Variants in GABRG3 observed in about 807,000 individuals in gnomAD.
GABRG3 encodes the protein gamma-aminobutyric acid type A receptor subunit gamma3.
In GABRG3, 25 loss-of-function variants were observed where a neutral mutation model predicts 48.8. The ratio of observed to expected loss-of-function variants is 0.51; its 90% CI spans 0.37 to 0.72. GABRG3 has a LOEUF of 0.72. Among genes scored for constraint, GABRG3 ranks in the 30% least tolerant of loss-of-function variants. GABRG3 has a pLI of 0.00. For missense variants in GABRG3, 394 were observed against 577.9 expected (o/e 0.68, Z 3.26); for synonymous variants, 227 against 217.6 (o/e 1.04, Z -0.38).
At chr15:27,419,048 C>T (rs1489485445) in intron 5 of GABRG3, 3 of 152,216 alleles carry the variant, frequency 2.0e-5, no homozygotes, top group Non-Finnish European at 2.9e-5. Context: ...TACTGCTCCT[C>T]TCCTAATGTG....
At chr15:27,388,369 AAAGGAAGGAAGG>A (rs1229639979) in intron 5 of GABRG3, among the ~76,000 whole-genome samples, 11 of 31,936 alleles carry the variant, frequency 3.4e-4, no homozygotes, top group Admixed American at 1.5e-3. Flanking sequence ...AGGAAGGAAG[AAAGGAAGGAAGG>A]AAGGAAAGGA....
intron 5 of GABRG3, among the ~76,000 whole-genome samples, chr15:27,393,771 A>G (rs9635410): frequency 0.29 from 44,249 of 152,098 alleles, 7,305 homozygotes; most frequent in East Asian, 0.7. Flanking sequence ...AGCATATACT[A>G]TGGAGTGGCA....
At chr15:27,188,695 G>A (rs1198868992) in intron 3 of GABRG3, among the ~76,000 whole-genome samples, 11 of 151,950 alleles carry the variant, frequency 7.2e-5, no homozygotes, top group African/African-American at 2.2e-4. Context: ...CACTCTGATG[G>A]TAGTTTCTTT....
chr15:27,022,562 C>G (rs900666486), intron 2 of GABRG3, among the ~76,000 whole-genome samples: 1 of 152,154 alleles, frequency 6.6e-6, no homozygotes, highest in Non-Finnish European at 1.5e-5. Context: ...GAATTGATGT[C>G]GGGAACTTTC....
intron 2 of GABRG3, among the ~76,000 whole-genome samples, chr15:26,983,943 C>T (rs1895102183): frequency 6.6e-6 from 1 of 152,114 alleles, no homozygotes; most frequent in African/African-American, 2.4e-5. Context: ...CTTGATTTTG[C>T]TGCTGTCCTG....
At chr15:27,391,242 TAAAGC>T (rs1230912505) in intron 5 of GABRG3, among the ~76,000 whole-genome samples, 1 of 152,214 alleles carries the variant, frequency 6.6e-6, no homozygotes, top group Non-Finnish European at 1.5e-5. Context: ...ATTACACTTG[TAAAGC>T]AATATGCTGT....
At chr15:27,087,101 A>C (rs1344128037) in intron 3 of GABRG3, among the ~76,000 whole-genome samples, 2 of 152,142 alleles carry the variant, frequency 1.3e-5, no homozygotes, top group Non-Finnish European at 2.9e-5. Flanking sequence ...CTGACTGGAG[A>C]CTGAGAGATG....
rs979719603 is a variant in GABRG3 at position 27,156,157 on chromosome 15, G to A, written c.270+129336G>A. ...TACTAAAAATACAAAAAATTAGCTG[G>A]GTGTGGTGGTGGGCGCCAGTAGTCC... On this transcript the variant is annotated intron_variant, in intron 3 of 9. Coordinates refer to ENST00000615808, the MANE Select transcript of GABRG3 (RefSeq NM_033223.5). Among the ~76,000 whole-genome samples, 4 of 151,786 alleles carry A rather than the reference G, an allele frequency of 2.6e-5. No homozygotes were observed. The East Asian group carries it at 5.8e-4, about 22-fold the overall frequency.
chr15:27,253,867 G>A (rs552312530), intron 3 of GABRG3, among the ~76,000 whole-genome samples: 4 of 152,234 alleles, frequency 2.6e-5, no homozygotes, highest in South Asian at 2.1e-4. Flanking sequence ...TCAGCTTCTC[G>A]CAGTAGCTCA....
intron 3 of GABRG3, among the ~76,000 whole-genome samples, chr15:27,324,356 GC>G (rs1003156691): frequency 2.6e-5 from 4 of 152,156 alleles, no homozygotes; most frequent in African/African-American, 9.7e-5. Flanking sequence ...GTGGAAAAGG[GC>G]CAGCCTAAGT....
At chr15:27,047,076 G>T (rs1896378207) in intron 3 of GABRG3, among the ~76,000 whole-genome samples, 2 of 152,180 alleles carry the variant, frequency 1.3e-5, no homozygotes, top group Admixed American at 6.5e-5. Flanking sequence ...GCTAGTTGTT[G>T]CATAATTTTT....
chr15:27,483,260 C>T (rs77044301), intron 6 of GABRG3: 3 of 152,126 alleles, frequency 2.0e-5, no homozygotes, highest in African/African-American at 4.8e-5. Context: ...CCTCTCTCGT[C>T]GGCTTGCAGG....
intron 6 of GABRG3, among the ~76,000 whole-genome samples, chr15:27,498,333 T>G (rs938388319): frequency 5.3e-5 from 8 of 152,194 alleles, no homozygotes; most frequent in African/African-American, 1.9e-4. Context: ...CTCTCCTCTC[T>G]GCTTCTAAAT....
chr15:27,093,726 G>C (rs1292111423), intron 3 of GABRG3, among the ~76,000 whole-genome samples: 2 of 152,168 alleles, frequency 1.3e-5, no homozygotes, highest in Non-Finnish European at 2.9e-5. Flanking sequence ...TTTCCAGTAT[G>C]ATGGATACTC....
At chr15:27,212,961 A>C (rs949625084) in intron 3 of GABRG3, among the ~76,000 whole-genome samples, 1 of 152,194 alleles carries the variant, frequency 6.6e-6, no homozygotes, top group Non-Finnish European at 1.5e-5. Context: ...GATATACCAC[A>C]TGCCACATTG....
At chr15:27,068,660 G>A (rs1228574917) in intron 3 of GABRG3, among the ~76,000 whole-genome samples, 1 of 152,204 alleles carries the variant, frequency 6.6e-6, no homozygotes, top group Non-Finnish European at 1.5e-5. Flanking sequence ...ATTGATACTT[G>A]GAAAAATGCC....
At chr15:27,310,603 AT>A (rs1172958316) in intron 3 of GABRG3, among the ~76,000 whole-genome samples, 3 of 152,152 alleles carry the variant, frequency 2.0e-5, no homozygotes, top group Non-Finnish European at 4.4e-5. Context: ...AATGGTTTTT[AT>A]TTTTTGTGAA....
rs75624221 is a variant in GABRG3, at chr15:27,371,684, A to G, written c.574+42796A>G. Among the ~76,000 whole-genome samples, 5 of 152,194 alleles carry G rather than the reference A, an allele frequency of 3.3e-5. No individual in the cohort carries two copies. The East Asian group carries it at 5.8e-4, about 18-fold the overall frequency. On this transcript the variant is annotated intron_variant, in intron 5 of 9. Coordinates refer to ENST00000615808, the MANE Select transcript of GABRG3 (RefSeq NM_033223.5). ...TTTTCTTGTTTGCATCCAAGTCTGT[A>G]TATGTGAGGAGGACAAAAGGATTAG...
At position 27,307,776 on chromosome 15, in the gene GABRG3, T is replaced by G. The variant is rs1233296139; in HGVS notation, c.271-19033T>G. ...ATAAACATATAAAATAAACATATGT[T>G]TATATATAAACATATATATAAAATA... On this transcript the variant is annotated intron_variant, in intron 3 of 9. Coordinates refer to ENST00000615808, the MANE Select transcript of GABRG3 (RefSeq NM_033223.5). Among the ~76,000 whole-genome samples, 3 of 99,002 alleles carry G rather than the reference T, an allele frequency of 3.0e-5. No homozygotes were observed. In the South Asian group the frequency reaches 8.2e-4, roughly 27 times the overall value. 64.9% of individuals were successfully genotyped at this position (99,002 alleles called of 152,430 possible). A position where few individuals can be genotyped will look rare whatever the true frequency, so the allele number is the denominator to read the frequency against.
Sources: allele counts gnomAD v4.1 joint callset (sites outside exome capture counted in the v4.1 genomes callset), GRCh38; gene constraint gnomAD v4.1.1; transcripts MANE v1.5; gene names NCBI Gene and HGNC (gene_info 2026-07-23, HGNC 2026-07-21).